Variants in PHEX observed in about 807,000 individuals in gnomAD.
PHEX encodes the protein phosphate-regulating neutral endopeptidase PHEX.
PHEX carries 16 observed loss-of-function variants against 68.0 expected under a neutral mutation model. The ratio of observed to expected loss-of-function variants is 0.24; its 90% CI spans 0.16 to 0.36. The LOEUF is 0.36. Ranked by LOEUF, PHEX falls within the 10% of genes least tolerant of loss-of-function variation. PHEX has a pLI of 1.00. For missense variants in PHEX, 480 were observed against 575.5 expected, an observed-to-expected ratio of 0.83 and a Z score of 1.70; for synonymous variants, 208 against 205.1, an observed-to-expected ratio of 1.01 and a Z score of -0.12.
At chrX:22,221,872 C>G in intron 18 of PHEX, 129 bp downstream of exon 18, 1 of 625,339 alleles carries the variant, frequency 1.6e-6, no homozygotes, top group Non-Finnish European at 2.7e-6. Context: ...TCCTTGGGAA[C>G]ATTCTTGAGT....
At position 22,248,746 on chromosome X, in the gene PHEX, C is replaced by A. The variant is rs1241884361; in HGVS notation, c.*793C>A. ...CAGCAGGGAAACTAGGAGATGAAAT[C>A]TCCAAAATTTTGTCCAGTCTGTATG... On this transcript the variant is annotated 3_prime_UTR_variant, in exon 22 of 22. Transcript: ENST00000379374. The A allele has an allele frequency of 8.9e-6, 1 of 112,107 alleles. No homozygotes were observed. Among genetic ancestry groups the A allele is most frequent in the African/African-American group, 3.2e-5 (1 of 30,825 alleles). The allele number at this position is 112,107 out of a possible 1,213,427, so 9.2% of individuals were successfully genotyped here.
chrX:22,164,388 A>G (rs1022180347), intron 12 of PHEX, among the ~76,000 whole-genome samples: 1 of 112,127 alleles, frequency 8.9e-6, no homozygotes, highest in Admixed American at 9.5e-5. Flanking sequence ...CTAGGTATGT[A>G]TCTTTGGGAG....
chrX:22,114,490 A>G lies in PHEX; in HGVS notation c.1206A>G (p.Gln402=), dbSNP rs151234075. The change falls in exon 11 of 22, where the codon CAA becomes CAG. Residue 402 remains glutamine (Q), a synonymous_variant. Transcript: ENST00000379374. Reference sequence around the variant, plus strand: ...AGGGGACCACAACTTTGCTGCCTCAATGGGACAAATGTGTAAACTTTATTG... The same window carrying G: ...AGGGGACCACAACTTTGCTGCCTCAGTGGGACAAATGTGTAAACTTTATTG... ...VIQGTTTLLP[Q]WDKCVNFIES... is the part of the protein sequence containing the mutation. The G allele has an allele frequency of 1.9e-3, 2,214 of 1,195,884 alleles. 30 individuals are homozygous for G. In the African/African-American group the frequency reaches 0.033, roughly 18 times the overall value.
chrX:22,081,821 C>G (rs1436233460), intron 5 of PHEX, among the ~76,000 whole-genome samples: 1 of 112,021 alleles, frequency 8.9e-6, no homozygotes, highest in Non-Finnish European at 1.9e-5. Context: ...CATTATCTTG[C>G]TGCACACGTT....
intron 12 of PHEX, among the ~76,000 whole-genome samples, chrX:22,136,598 A>T (rs777073132): frequency 5.3e-5 from 6 of 112,169 alleles, no homozygotes; most frequent in African/African-American, 3.2e-5. Flanking sequence ...GACCGCAGCT[A>T]ATTACAGAGC....
intron 18 of PHEX, 30 bp downstream of exon 18, chrX:22,221,773 C>A: frequency 8.5e-7 from 1 of 1,180,837 alleles, no homozygotes; most frequent in East Asian, 3.0e-5. Flanking sequence ...AGGGGGGCAC[C>A]TTGTGGTTCA....
At chrX:22,233,008 C>T (rs1276166178) in intron 20 of PHEX, among the ~76,000 whole-genome samples, 4 of 111,448 alleles carry the variant, frequency 3.6e-5, no homozygotes, top group African/African-American at 1.3e-4. Flanking sequence ...GACAAAATCT[C>T]TCAGCCTTTG....
intron 11 of PHEX, among the ~76,000 whole-genome samples, chrX:22,120,177 A>C (rs777913834): frequency 8.9e-6 from 1 of 111,852 alleles, no homozygotes; most frequent in East Asian, 2.8e-4. Context: ...CCTCACAATG[A>C]CCCTGTTACT....
chrX:22,202,725 G>C lies in PHEX; in HGVS notation c.1646-10179G>C, dbSNP rs746850134. Among the ~76,000 whole-genome samples, 5 of 111,919 alleles carry C rather than the reference G, an allele frequency of 4.5e-5. No homozygotes were observed. The South Asian group carries it at 1.9e-3, about 42-fold the overall frequency. ...CCTGGGCTGAATATCCCTGCTGCTAGTGTCAGTTTCAAATACTTAGTACAG... is the reference window on the plus strand; with the variant it reads ...CCTGGGCTGAATATCCCTGCTGCTACTGTCAGTTTCAAATACTTAGTACAG... On this transcript the variant is annotated intron_variant, in intron 15 of 21. Transcript: ENST00000379374.
intron 2 of PHEX, among the ~76,000 whole-genome samples, chrX:22,044,554 CA>C (rs1270002021): frequency 1.3e-4 from 14 of 107,226 alleles, no homozygotes; most frequent in Non-Finnish European, 2.5e-4. Flanking sequence ...ACTAAAAATA[CA>C]AAAAAAAATT....
At chrX:22,209,753 C>CTCCCTCTGCTCCCTCTGCTCCCTCTG (rs1569427989) in intron 15 of PHEX, among the ~76,000 whole-genome samples, 2 of 33,520 alleles carry the variant, frequency 6.0e-5, no homozygotes, top group Non-Finnish European at 1.1e-4. Flanking sequence ...TGCTCCCTCT[C>CTCCCTCTGCTCCCTCTGCTCCCTCTG]CTCCCTCTCC....
At chrX:22,176,404 T>A (rs1028887437) in intron 13 of PHEX, among the ~76,000 whole-genome samples, 2,783 of 63,967 alleles carry the variant, frequency 0.044, 68 homozygotes, top group Non-Finnish European at 0.057. Flanking sequence ...AAAAAAAAAA[T>A]ATATATATAT....
intron 15 of PHEX, among the ~76,000 whole-genome samples, chrX:22,193,942 G>A (rs746777493): frequency 1.3e-4 from 15 of 112,058 alleles, no homozygotes; most frequent in South Asian, 3.7e-4. Context: ...CCAGTCTAGC[G>A]AGTGTAAGAG....
At chrX:22,086,951 C>T (rs958941128) in intron 5 of PHEX, among the ~76,000 whole-genome samples, 13 of 112,189 alleles carry the variant, frequency 1.2e-4, no homozygotes, top group Non-Finnish European at 2.3e-4. Context: ...AAAATCTCAA[C>T]GCAGTGTCCT....
chrX:22,230,145 G>C (rs1486011959), intron 20 of PHEX, among the ~76,000 whole-genome samples: 1 of 105,079 alleles, frequency 9.5e-6, no homozygotes, highest in Non-Finnish European at 1.9e-5. Context: ...GGATACTGCA[G>C]TCTTGTAGTA....
At chrX:22,094,215 A>G in intron 7 of PHEX, 116 bp downstream of exon 7, 1 of 468,273 alleles carries the variant, frequency 2.1e-6, no homozygotes, top group Non-Finnish European at 3.9e-6. Context: ...TAAATTGCAA[A>G]CAAATAATAG....
intron 2 of PHEX, among the ~76,000 whole-genome samples, chrX:22,039,188 C>T (rs904328435): frequency 8.0e-5 from 9 of 112,070 alleles, no homozygotes; most frequent in Non-Finnish European, 1.3e-4. Context: ...ACACTGATCT[C>T]GAACTCCTGA....
chrX:22,209,411 A>G (rs1934816350), intron 15 of PHEX, among the ~76,000 whole-genome samples: 2 of 110,716 alleles, frequency 1.8e-5, no homozygotes, highest in African/African-American at 3.3e-5. Context: ...TTTTGCGTAC[A>G]TTACACAAAA....
chrX:22,179,065 G>A (rs891140814), intron 14 of PHEX, among the ~76,000 whole-genome samples: 21 of 111,876 alleles, frequency 1.9e-4, no homozygotes, highest in Non-Finnish European at 2.3e-4. Context: ...TACGAATTCT[G>A]TGTGGTATAG....
Sources: allele counts gnomAD v4.1 joint callset (sites outside exome capture counted in the v4.1 genomes callset), GRCh38; gene constraint gnomAD v4.1.1; transcripts MANE v1.5; gene names NCBI Gene and HGNC (gene_info 2026-07-23, HGNC 2026-07-21).